TENM3: variants seen among roughly 807,000 people sequenced by gnomAD.
TENM3 encodes the protein teneurin-3.
TENM3 carries 63 observed loss-of-function variants against 255.1 expected under a neutral mutation model. The ratio of observed to expected loss-of-function variants is 0.25; its 90% CI spans 0.20 to 0.30. The LOEUF is 0.30. Among genes scored for constraint, TENM3 ranks in the 10% least tolerant of loss-of-function variants. The pLI is 1.00. For synonymous variants in TENM3, 1,306 were observed against 1,322.3 expected (o/e 0.99, Z 0.27); for missense variants, 2,929 against 3,461.1 (o/e 0.85, Z 3.86).
At chr4:182,206,551 T>A (rs943454801) in intron 1 of TENM3, among the ~76,000 whole-genome samples, 1 of 152,256 alleles carries the variant, frequency 6.6e-6, no homozygotes, top group Non-Finnish European at 1.5e-5. Context: ...ATCTGCTAGC[T>A]TTCTTTATGG....
At chr4:182,022,785 A>T in the TENM3 span, among the ~76,000 whole-genome samples, 2 of 152,166 alleles carry the variant, frequency 1.3e-5, no homozygotes, top group African/African-American at 4.8e-5. Context: ...ACCAAACAAC[A>T]TCATGAAATG....
intron 5 of TENM3, among the ~76,000 whole-genome samples, chr4:182,643,593 C>T (rs62337369): frequency 0.039 from 5,924 of 152,218 alleles, 173 homozygotes; most frequent in Middle Eastern, 0.088. Flanking sequence ...TGCCAAAGTT[C>T]CACAATTATT....
rs775167876 is a variant in TENM3, at chr4:182,688,212, G to A, written c.2082G>A (p.Gly694=). ...DCGSHGVCMG[G]TCRCEEGWTG... ...GCTCACACGGCGTTTGCATGGGGGG[G>A]ACGTGTCGCTGTGAAGAAGGCTGGA... The change falls in exon 12 of 28, where the codon GGG becomes GGA. Residue 694 remains glycine (G), a synonymous_variant. Transcript: ENST00000511685. The A allele has an allele frequency of 1.2e-6, 2 of 1,613,884 alleles. No homozygotes were observed. The highest frequency in any genetic ancestry group is 1.1e-5 in the South Asian group (1 of 91,046).
the TENM3 span, among the ~76,000 whole-genome samples, chr4:181,875,826 A>G: frequency 2.6e-5 from 4 of 152,286 alleles, no homozygotes; most frequent in South Asian, 4.1e-4. Flanking sequence ...CATTTTAGCT[A>G]TCATTACCTG....
upstream of TENM3, among the ~76,000 whole-genome samples, chr4:182,240,407 CCT>C (rs1412749812): frequency 4.6e-5 from 7 of 152,140 alleles, no homozygotes; most frequent in Non-Finnish European, 1.0e-4. Context: ...ATCATCATAA[CCT>C]CTGTCTTATC....
intron 3 of TENM3, among the ~76,000 whole-genome samples, chr4:182,456,781 T>C (rs558636842): frequency 6.6e-6 from 1 of 152,284 alleles, no homozygotes; most frequent in Admixed American, 6.5e-5. Context: ...TTGGAAGGAC[T>C]GACAAATGTT....
chr4:182,579,583 A>G (rs1166438758), intron 3 of TENM3, among the ~76,000 whole-genome samples: 3 of 152,210 alleles, frequency 2.0e-5, no homozygotes, highest in African/African-American at 7.2e-5. Flanking sequence ...TTTGGGACAG[A>G]TGGACAGTGC....
At chr4:182,154,303 A>G (rs1273928763) in intron 1 of TENM3, among the ~76,000 whole-genome samples, 1 of 152,112 alleles carries the variant, frequency 6.6e-6, no homozygotes, top group Non-Finnish European at 1.5e-5. Context: ...CATCGGGGAT[A>G]GGAAGCTTTG....
the TENM3 span, among the ~76,000 whole-genome samples, chr4:181,657,791 T>G: frequency 9.8e-6 from 1 of 102,312 alleles, no homozygotes; most frequent in African/African-American, 3.8e-5. Context: ...TGGAATACTA[T>G]GCAACTATAT....
intron 22 of TENM3, among the ~76,000 whole-genome samples, chr4:182,762,878 C>A (rs1038556159): frequency 6.6e-6 from 1 of 151,794 alleles, no homozygotes; most frequent in Non-Finnish European, 1.5e-5. Flanking sequence ...CCTCCCCTAC[C>A]CCATCATCAC....
At chr4:182,170,498 G>A (rs1285131438) in intron 1 of TENM3, among the ~76,000 whole-genome samples, 2 of 152,108 alleles carry the variant, frequency 1.3e-5, no homozygotes, top group South Asian at 2.1e-4. Context: ...TCTGATCTAC[G>A]CCTTTTACTT....
chr4:181,512,128 C>G, the TENM3 span, among the ~76,000 whole-genome samples: 1 of 152,144 alleles, frequency 6.6e-6, no homozygotes, highest in Non-Finnish European at 1.5e-5. Context: ...CCCAGATAGG[C>G]CAAGCTCCTG....
At chr4:181,958,248 G>T in the TENM3 span, among the ~76,000 whole-genome samples, 8 of 152,168 alleles carry the variant, frequency 5.3e-5, no homozygotes, top group African/African-American at 1.9e-4. Flanking sequence ...AGTTGCAGGG[G>T]TGATTAAGTA....
the TENM3 span, among the ~76,000 whole-genome samples, chr4:181,548,061 C>T: frequency 2.0e-5 from 3 of 151,686 alleles, no homozygotes; most frequent in African/African-American, 7.3e-5. Context: ...TATGCGGTGT[C>T]TGTTTTTTTC....
At chr4:182,456,945 G>A (rs1057255475) in intron 3 of TENM3, among the ~76,000 whole-genome samples, 2 of 152,126 alleles carry the variant, frequency 1.3e-5, no homozygotes, top group African/African-American at 2.4e-5. Flanking sequence ...CACATTGGGA[G>A]GCCGAGGCAA....
chr4:182,652,390 G>A (rs1180817212), intron 5 of TENM3, among the ~76,000 whole-genome samples: 1 of 152,130 alleles, frequency 6.6e-6, no homozygotes, highest in African/African-American at 2.4e-5. Flanking sequence ...CGGTAACCTG[G>A]AGTCCAGACT....
the TENM3 span, among the ~76,000 whole-genome samples, chr4:181,519,935 C>T: frequency 2.4e-4 from 37 of 152,268 alleles, 1 homozygote; most frequent in East Asian, 4.6e-3. Context: ...ATGACTCGTT[C>T]GGCACATGCA....
At chr4:181,704,900 G>A in the TENM3 span, among the ~76,000 whole-genome samples, 11 of 151,928 alleles carry the variant, frequency 7.2e-5, no homozygotes, top group South Asian at 6.2e-4. Flanking sequence ...TTGGTGATAC[G>A]TGCCTGTAAT....
chr4:182,211,827 A>T (rs28707001), intron 1 of TENM3, among the ~76,000 whole-genome samples: 1,790 of 152,192 alleles, frequency 0.012, 28 homozygotes, highest in African/African-American at 0.041. Context: ...TCTTTTACTT[A>T]CCGTGTGACT....
Sources: gnomAD v4.1 joint callset for allele counts (sites outside exome capture counted in the v4.1 genomes callset) on GRCh38, gnomAD v4.1.1 for gene constraint, MANE v1.5 for transcripts, NCBI Gene and HGNC (gene_info 2026-07-23, HGNC 2026-07-21) for gene names.